Variants in ADAMTS12 observed in about 807,000 individuals in gnomAD.
ADAMTS12 encodes A disintegrin and metalloproteinase with thrombospondin motifs 12.
ADAMTS12 carries 118 observed loss-of-function variants against 167.8 expected under a neutral mutation model. That is an observed-to-expected ratio of 0.70 (90% CI 0.61 to 0.82). ADAMTS12 has a LOEUF of 0.82. Ranked by LOEUF, ADAMTS12 falls within the 40% of genes least tolerant of loss-of-function variation. The pLI, the probability that ADAMTS12 is intolerant of heterozygous loss-of-function variation, is 0.00. For synonymous variants in ADAMTS12, 704 were observed against 716.9 expected, an observed-to-expected ratio of 0.98 and a Z score of 0.29; for missense variants, 1,916 against 1,998.8, an observed-to-expected ratio of 0.96 and a Z score of 0.79.
At chr5:33,702,421 A>C (rs566376995) in intron 3 of ADAMTS12, among the ~76,000 whole-genome samples, 4 of 152,340 alleles carry the variant, frequency 2.6e-5, no homozygotes, top group African/African-American at 7.2e-5. Flanking sequence ...CTCTTACTGA[A>C]TACTTTCCAT....
At chr5:33,771,963 C>G (rs1745755263) in intron 2 of ADAMTS12, among the ~76,000 whole-genome samples, 1 of 151,936 alleles carries the variant, frequency 6.6e-6, no homozygotes, top group Admixed American at 6.6e-5. Flanking sequence ...CTCAAGCAAG[C>G]CTCCCACCTC....
chr5:33,779,288 C>T (rs925494055), intron 2 of ADAMTS12, among the ~76,000 whole-genome samples: 1 of 150,520 alleles, frequency 6.6e-6, no homozygotes, highest in African/African-American at 2.4e-5. Flanking sequence ...CAGGTTCAAG[C>T]GATTCTCCTG....
chr5:33,549,694 G>C (rs1419276996), intron 20 of ADAMTS12, among the ~76,000 whole-genome samples: 1 of 152,220 alleles, frequency 6.6e-6, no homozygotes, highest in Non-Finnish European at 1.5e-5. Flanking sequence ...CCCAGCTGTG[G>C]GGAGATTATA....
At chr5:33,800,712 C>A (rs1420255982) in intron 2 of ADAMTS12, among the ~76,000 whole-genome samples, 1 of 152,118 alleles carries the variant, frequency 6.6e-6, no homozygotes, top group African/African-American at 2.4e-5. Flanking sequence ...TAGCCTCAGT[C>A]TTCTCCTACA....
At chr5:33,730,723 T>G (rs1262342271) in intron 3 of ADAMTS12, among the ~76,000 whole-genome samples, 1 of 152,218 alleles carries the variant, frequency 6.6e-6, no homozygotes, top group African/African-American at 2.4e-5. Context: ...CTCGACTTTA[T>G]CTACTGTTTT....
intron 18 of ADAMTS12, among the ~76,000 whole-genome samples, chr5:33,588,026 C>T (rs961156721): frequency 4.6e-5 from 7 of 152,170 alleles, no homozygotes; most frequent in African/African-American, 1.7e-4. Context: ...TTCCAGCTTA[C>T]TGATTTCCAA....
intron 5 of ADAMTS12, among the ~76,000 whole-genome samples, chr5:33,677,891 C>T (rs1741977829): frequency 6.6e-6 from 1 of 152,112 alleles, no homozygotes; most frequent in South Asian, 2.1e-4. Context: ...CCCAATACTC[C>T]AATTTATTCT....
chr5:33,641,734 C>T, intron 11 of ADAMTS12, 76 bp downstream of exon 11: 1 of 1,401,250 alleles, frequency 7.1e-7, no homozygotes, highest in South Asian at 1.7e-5. Flanking sequence ...TCACTGAGGT[C>T]ATGCCATTCA....
intron 19 of ADAMTS12, among the ~76,000 whole-genome samples, chr5:33,569,303 C>T (rs1032196441): frequency 1.3e-5 from 2 of 152,238 alleles, no homozygotes; most frequent in Non-Finnish European, 2.9e-5. Flanking sequence ...TCAAGTGGGT[C>T]CCTGACCCCT....
At position 33,576,853 on chromosome 5, in the gene ADAMTS12, T is replaced by C. The variant is rs1294563389; in HGVS notation, c.3173A>G (p.Lys1058Arg). The C allele has an allele frequency of 1.7e-5, 27 of 1,614,042 alleles. No individual in the cohort carries two copies. The highest frequency in any genetic ancestry group is 2.3e-5 in the Non-Finnish European group (27 of 1,180,024). Residue 1058 changes from lysine to arginine, a missense_variant, in exon 19 of 24, where the codon AAA becomes AGA. Transcript: ENST00000504830. Reference sequence around the variant, plus strand: ...CTGTTTCCCACCCAGGTCTCCTTCTTTGGAGGCTGTGGTAGGACTAGGGCT... The same window carrying C: ...CTGTTTCCCACCCAGGTCTCCTTCTCTGGAGGCTGTGGTAGGACTAGGGCT... ...ISSPSPTTAS[K>R]EGDLGGKQWQ...
intron 2 of ADAMTS12, among the ~76,000 whole-genome samples, chr5:33,819,119 G>A (rs1021947273): frequency 1.3e-5 from 2 of 151,784 alleles, no homozygotes; most frequent in African/African-American, 4.8e-5. Flanking sequence ...TTTTGCTTTT[G>A]TAGCCTGAGC....
At chr5:33,847,943 A>G (rs1288833847) in intron 2 of ADAMTS12, among the ~76,000 whole-genome samples, 2 of 151,948 alleles carry the variant, frequency 1.3e-5, no homozygotes, top group African/African-American at 4.8e-5. Context: ...GGCCAGGTGC[A>G]GTGGCTTACA....
intron 3 of ADAMTS12, among the ~76,000 whole-genome samples, chr5:33,694,461 T>C (rs2112283458): frequency 6.6e-6 from 1 of 151,650 alleles, no homozygotes; most frequent in South Asian, 2.1e-4. Context: ...ACAAGCAAAA[T>C]CAAGGAGAGA....
intron 2 of ADAMTS12, among the ~76,000 whole-genome samples, chr5:33,813,290 G>C (rs540013686): frequency 6.6e-6 from 1 of 152,284 alleles, no homozygotes; most frequent in East Asian, 1.9e-4. Context: ...GTGTTATCTT[G>C]TAATTCTCTG....
At position 33,766,364 on chromosome 5, in the gene ADAMTS12, A is replaced by G. The variant is rs74921959; in HGVS notation, c.490-14816T>C. 8.5e-3 allele frequency among the ~76,000 whole-genome samples: 1,302 copies of G among 152,288 alleles called. 18 individuals are homozygous for G. Among genetic ancestry groups the G allele is most frequent in the African/African-American group, 0.03 (1,236 of 41,574 alleles). On this transcript the variant is annotated intron_variant, in intron 2 of 23. Transcript: ENST00000504830. Reference sequence around the variant, plus strand: ...GAAAAACATTGGACAAATCAAATTTAGGAGCATTCTACAAAAAATCTGACC... The same window carrying G: ...GAAAAACATTGGACAAATCAAATTTGGGAGCATTCTACAAAAAATCTGACC...
chr5:33,673,900 G>T (rs1313388254), intron 5 of ADAMTS12, among the ~76,000 whole-genome samples: 1 of 151,890 alleles, frequency 6.6e-6, no homozygotes, highest in Non-Finnish European at 1.5e-5. Flanking sequence ...CATTCTTTAA[G>T]ATTTAATTTG....
At chr5:33,674,704 C>T (rs747958429) in intron 5 of ADAMTS12, among the ~76,000 whole-genome samples, 2 of 152,132 alleles carry the variant, frequency 1.3e-5, no homozygotes, top group Admixed American at 6.5e-5. Flanking sequence ...TACAGATGCT[C>T]GTGTCCCATT....
At chr5:33,852,997 G>A (rs13187545) in intron 2 of ADAMTS12, among the ~76,000 whole-genome samples, 33,407 of 152,076 alleles carry the variant, frequency 0.22, 4,243 homozygotes, top group Middle Eastern at 0.3. Context: ...CCCCTCAGGA[G>A]CAGGGGCCAT....
At chr5:33,799,024 T>C (rs1481484384) in intron 2 of ADAMTS12, among the ~76,000 whole-genome samples, 1 of 152,112 alleles carries the variant, frequency 6.6e-6, no homozygotes, top group Non-Finnish European at 1.5e-5. Context: ...CACCATCTAC[T>C]TGTGGACAAG....
Sources: allele counts gnomAD v4.1 joint callset (sites outside exome capture counted in the v4.1 genomes callset), GRCh38; gene constraint gnomAD v4.1.1; transcripts MANE v1.5; gene names NCBI Gene and HGNC (gene_info 2026-07-23, HGNC 2026-07-21).